CCSER1: variants seen among roughly 807,000 people sequenced by gnomAD.
CCSER1 encodes coiled-coil serine rich protein 1.
In CCSER1, 41 loss-of-function variants were observed where a neutral mutation model predicts 82.0. The ratio of observed to expected loss-of-function variants is 0.50; its 90% CI spans 0.39 to 0.65. CCSER1 has a LOEUF of 0.65. Among genes scored for constraint, CCSER1 ranks in the 30% least tolerant of loss-of-function variants. The pLI is 0.00. For synonymous variants in CCSER1, 414 were observed against 383.9 expected, an observed-to-expected ratio of 1.08 and a Z score of -0.92; for missense variants, 1,119 against 1,064.2, an observed-to-expected ratio of 1.05 and a Z score of -0.72.
chr4:90,397,808 G>C (rs1306288920), intron 3 of CCSER1, among the ~76,000 whole-genome samples: 1 of 152,126 alleles, frequency 6.6e-6, no homozygotes, highest in Non-Finnish European at 1.5e-5. Flanking sequence ...AAGGAGGAAT[G>C]CTGTGAAAAT....
rs978638526 is a variant in CCSER1, at chr4:91,084,832, A to G, written c.2173-1118A>G. Among the ~76,000 whole-genome samples the G allele has an allele frequency of 4.4e-4, 67 of 152,232 alleles. 1 individual carries two copies. Among genetic ancestry groups the G allele is most frequent in the Admixed American group, 4.3e-3 (65 of 15,284 alleles). On this transcript the variant is annotated intron_variant, in intron 9 of 10. Transcript: ENST00000509176. ...AAATAAAATGGTTTAGTTAATATGT[A>G]TGTTCATGTGTTTTTATCTAAACAA... is the stretch of plus-strand genomic sequence containing the variant.
intron 6 of CCSER1, among the ~76,000 whole-genome samples, chr4:90,706,230 T>A (rs543514789): frequency 1.1e-4 from 16 of 152,326 alleles, no homozygotes; most frequent in South Asian, 4.1e-4. Context: ...CCTAATGGAC[T>A]AAGACTGAAA....
At chr4:90,493,994 A>G (rs1050658002) in intron 5 of CCSER1, among the ~76,000 whole-genome samples, 18 of 152,248 alleles carry the variant, frequency 1.2e-4, no homozygotes, top group South Asian at 2.1e-4. Flanking sequence ...GTCAAGACCC[A>G]TCAGTGTGCT....
intron 10 of CCSER1, among the ~76,000 whole-genome samples, chr4:91,352,391 C>T (rs779275905): frequency 4.6e-5 from 7 of 152,272 alleles, no homozygotes; most frequent in East Asian, 1.9e-4. Context: ...GAACTACAGG[C>T]GTGTGCCACC....
intron 1 of CCSER1, among the ~76,000 whole-genome samples, chr4:90,229,357 A>G (rs192138279): frequency 0.012 from 1,898 of 152,292 alleles, 27 homozygotes; most frequent in African/African-American, 0.036. Flanking sequence ...AGAATTTCAT[A>G]TCCAGCCAAA....
chr4:91,249,107 G>A (rs1528583), intron 10 of CCSER1, among the ~76,000 whole-genome samples: 34,750 of 151,868 alleles, frequency 0.23, 4,699 homozygotes, highest in African/African-American at 0.36. Context: ...AGAAATTATT[G>A]CTAAAATTTT....
intron 9 of CCSER1, among the ~76,000 whole-genome samples, chr4:91,056,225 G>T: frequency 6.6e-6 from 1 of 151,916 alleles, no homozygotes; most frequent in Non-Finnish European, 1.5e-5. Context: ...CCTTTGAGAG[G>T]CCATATTTTT....
intron 10 of CCSER1, among the ~76,000 whole-genome samples, chr4:91,200,336 G>A (rs1244578991): frequency 6.6e-6 from 1 of 152,030 alleles, no homozygotes; most frequent in Non-Finnish European, 1.5e-5. Context: ...CCTTTGTGAA[G>A]TGAATAAAAC....
In CCSER1 at chr4:90,311,917, C is replaced by G. The variant is rs548871344; in HGVS notation, c.1325-946C>G. On this transcript the variant is annotated intron_variant, in intron 2 of 10. Coordinates refer to ENST00000509176, the MANE Select transcript of CCSER1 (RefSeq NM_001145065.2). The stretch of plus-strand genomic sequence containing the variant: ...GGGATGTAGCAATACACAAAACAGG[C>G]CTAGATCCCTGCCTTCCTGAGGCTT... Among the ~76,000 whole-genome samples the G allele has an allele frequency of 7.3e-4, 111 of 152,220 alleles. 2 individuals are homozygous for G. Among genetic ancestry groups the G allele is most frequent in the Non-Finnish European group, 2.1e-4 (14 of 68,022 alleles).
intron 10 of CCSER1, among the ~76,000 whole-genome samples, chr4:91,253,716 G>A (rs902752496): frequency 6.6e-6 from 1 of 152,084 alleles, no homozygotes; most frequent in Non-Finnish European, 1.5e-5. Flanking sequence ...TTGCTATAAA[G>A]AAATACACCT....
At chr4:90,826,057 G>T (rs988107920) in intron 8 of CCSER1, among the ~76,000 whole-genome samples, 1 of 152,140 alleles carries the variant, frequency 6.6e-6, no homozygotes, top group Non-Finnish European at 1.5e-5. Flanking sequence ...AAAGTGGATT[G>T]TTTAACATCA....
At position 90,721,295 on chromosome 4, in the gene CCSER1, A is replaced by G. The variant is rs1184797122; in HGVS notation, c.1933-2619A>G. Among the ~76,000 whole-genome samples the G allele has an allele frequency of 2.6e-5, 4 of 151,982 alleles. 1 individual carries two copies. In the South Asian group the frequency reaches 6.2e-4, roughly 24 times the overall value. On this transcript the variant is annotated intron_variant, in intron 6 of 10. Coordinates refer to ENST00000509176, the MANE Select transcript of CCSER1 (RefSeq NM_001145065.2). ...CAGTTTGTCTGTTGGACTTACAACC[A>G]AAAACCAGGTTAAGAACACTTGTTA...
intron 3 of CCSER1, among the ~76,000 whole-genome samples, chr4:90,350,371 A>G (rs531613160): frequency 6.6e-6 from 1 of 152,248 alleles, no homozygotes; most frequent in South Asian, 2.1e-4. Flanking sequence ...TATGAGGAAT[A>G]AGGCAAGTAT....
At chr4:91,102,724 G>A (rs887393744) in intron 10 of CCSER1, among the ~76,000 whole-genome samples, 8 of 152,132 alleles carry the variant, frequency 5.3e-5, no homozygotes, top group Admixed American at 2.0e-4. Flanking sequence ...TTTTGTGTGT[G>A]CAACTGATCA....
At chr4:90,483,758 G>C (rs1021015630) in intron 5 of CCSER1, among the ~76,000 whole-genome samples, 2 of 152,180 alleles carry the variant, frequency 1.3e-5, no homozygotes, top group African/African-American at 4.8e-5. Flanking sequence ...AGTGTGATGG[G>C]CTTCCCTTTG....
intron 10 of CCSER1, among the ~76,000 whole-genome samples, chr4:91,091,459 AG>A (rs1723941865): frequency 6.6e-6 from 1 of 152,218 alleles, no homozygotes; most frequent in African/African-American, 2.4e-5. Flanking sequence ...GTCCTACCTC[AG>A]TGACCTGATA....
chr4:91,332,573 TAAAA>T (rs35040789), intron 10 of CCSER1, among the ~76,000 whole-genome samples: 1 of 149,446 alleles, frequency 6.7e-6, no homozygotes, highest in Non-Finnish European at 1.5e-5. Flanking sequence ...AACTTTCAGA[TAAAA>T]AAAAAGGGCC....
chr4:90,719,984 G>GA (rs547648351), intron 6 of CCSER1, among the ~76,000 whole-genome samples: 7 of 151,848 alleles, frequency 4.6e-5, no homozygotes, highest in Non-Finnish European at 8.8e-5. Context: ...GAATTTTTCT[G>GA]AAAAAAATGG....
intron 1 of CCSER1, among the ~76,000 whole-genome samples, chr4:90,258,593 T>TA (rs1723764092): frequency 6.6e-6 from 1 of 152,324 alleles, no homozygotes; most frequent in South Asian, 2.1e-4. Context: ...AATGTTAAAA[T>TA]ACACAAAGTT....
Sources: gnomAD v4.1 joint callset for allele counts (sites outside exome capture counted in the v4.1 genomes callset) on GRCh38, gnomAD v4.1.1 for gene constraint, MANE v1.5 for transcripts, NCBI Gene and HGNC (gene_info 2026-07-23, HGNC 2026-07-21) for gene names.